The following GRIA2 variants were observed in gnomAD, a reference collection of about 807,000 sequenced individuals.
GRIA2 encodes the protein glutamate ionotropic receptor AMPA type subunit 2.
In GRIA2, 14 loss-of-function variants were observed where a neutral mutation model predicts 97.3. The observed-to-expected ratio is 0.14, with a 90% CI of 0.10 to 0.23. The LOEUF (loss-of-function observed/expected upper bound fraction) is 0.23. Ranked by LOEUF, GRIA2 falls within the 10% of genes least tolerant of loss-of-function variation. The pLI, the probability that GRIA2 is intolerant of heterozygous loss-of-function variation, is 1.00. For synonymous variants in GRIA2, 412 were observed against 387.8 expected, an observed-to-expected ratio of 1.06 and a Z score of -0.73; for missense variants, 558 against 1,069.8, an observed-to-expected ratio of 0.52 and a Z score of 6.67.
chr4:157,249,083 C>T (rs891634902), intron 2 of GRIA2, among the ~76,000 whole-genome samples: 8 of 152,048 alleles, frequency 5.3e-5, no homozygotes, highest in Non-Finnish European at 1.0e-4. Flanking sequence ...GATCCTCCTG[C>T]CTCAGCCTCC....
At chr4:157,264,216 A>G (rs1731669083) in intron 2 of GRIA2, among the ~76,000 whole-genome samples, 1 of 152,040 alleles carries the variant, frequency 6.6e-6, no homozygotes, top group Non-Finnish European at 1.5e-5. Flanking sequence ...AACAATACAA[A>G]TCTATTATTT....
At chr4:157,243,585 T>G (rs1205839797) in intron 2 of GRIA2, among the ~76,000 whole-genome samples, 2 of 152,134 alleles carry the variant, frequency 1.3e-5, no homozygotes, top group Non-Finnish European at 2.9e-5. Flanking sequence ...TGAAGGACAT[T>G]AAACTCCTTT....
intron 2 of GRIA2, among the ~76,000 whole-genome samples, chr4:157,225,987 T>A (rs996210347): frequency 1.2e-4 from 18 of 152,124 alleles, no homozygotes; most frequent in Admixed American, 6.5e-4. Flanking sequence ...AATAAAACTG[T>A]GTAAAAGGGC....
chr4:157,321,302 C>G, intron 5 of GRIA2, 136 bp from the exon 6 acceptor site: 1 of 631,832 alleles, frequency 1.6e-6, no homozygotes, highest in African/African-American at 1.9e-5. Flanking sequence ...ATACATGGGA[C>G]ATTTTCTGCA....
At chr4:157,223,906 CTG>C (rs1729627063) in intron 2 of GRIA2, among the ~76,000 whole-genome samples, 1 of 151,912 alleles carries the variant, frequency 6.6e-6, no homozygotes, top group Non-Finnish European at 1.5e-5. Flanking sequence ...AGATAAAAGA[CTG>C]TGATTAGGTT....
chr4:157,337,871 T>A (rs533667033), intron 11 of GRIA2, among the ~76,000 whole-genome samples: 1 of 150,970 alleles, frequency 6.6e-6, no homozygotes, highest in Non-Finnish European at 1.5e-5. Context: ...TAAAAAAAAA[T>A]TACATTTTTA....
intron 2 of GRIA2, among the ~76,000 whole-genome samples, chr4:157,238,746 C>A (rs1232805294): frequency 1.3e-5 from 2 of 152,008 alleles, no homozygotes; most frequent in Admixed American, 1.3e-4. Context: ...GGCCATGAAG[C>A]GTTTAGTTAA....
chr4:157,345,232 A>T (rs1343769788), intron 12 of GRIA2, among the ~76,000 whole-genome samples: 1 of 152,070 alleles, frequency 6.6e-6, no homozygotes, highest in East Asian at 1.9e-4. Context: ...TAAACGAAAC[A>T]TTCATGAAAT....
At chr4:157,228,100 C>T (rs1383057775) in intron 2 of GRIA2, among the ~76,000 whole-genome samples, 4 of 152,168 alleles carry the variant, frequency 2.6e-5, no homozygotes, top group Non-Finnish European at 4.4e-5. Flanking sequence ...AAAATGTGGG[C>T]TTGTTGAAGA....
intron 3 of GRIA2, among the ~76,000 whole-genome samples, chr4:157,304,863 G>T (rs1560756911): frequency 6.6e-6 from 1 of 152,094 alleles, no homozygotes; most frequent in African/African-American, 2.4e-5. Flanking sequence ...CTCGAGTCAG[G>T]AGTGCAGGAG....
chr4:157,258,365 C>T (rs980669261), intron 2 of GRIA2, among the ~76,000 whole-genome samples: 1 of 151,902 alleles, frequency 6.6e-6, no homozygotes, highest in African/African-American at 2.4e-5. Context: ...ACTCTGGGGA[C>T]GTCTGTCTTT....
intron 2 of GRIA2, among the ~76,000 whole-genome samples, chr4:157,281,223 G>A (rs962051357): frequency 4.6e-5 from 7 of 152,000 alleles, no homozygotes; most frequent in East Asian, 1.9e-4. Flanking sequence ...CATTGTATGC[G>A]CCAGAGTTAG....
At chr4:157,331,895 A>G (rs1239641204) in intron 6 of GRIA2, among the ~76,000 whole-genome samples, 1 of 152,062 alleles carries the variant, frequency 6.6e-6, no homozygotes, top group Non-Finnish European at 1.5e-5. Context: ...TGGATTGGTG[A>G]TCAAGAATTT....
In GRIA2 at chr4:157,332,978, C is replaced by T. The variant is rs1735124313; in HGVS notation, c.1042C>T (p.Leu348Phe). ...WGQGVEIERALKQVQVEGLSG... is the reference protein window; with the variant it reads ...WGQGVEIERAFKQVQVEGLSG... ...ACAAGGTGTAGAAATAGAAAGGGCC[C>T]TCAAACAGGTCAGTTACTCAAAATA... is the stretch of plus-strand genomic sequence containing the variant. The change falls in exon 7 of 16, where the codon CTC becomes TTC. Residue 348 changes from leucine to phenylalanine, a missense_variant. By Grantham distance (22) the Leu-to-Phe change is conservative (BLOSUM62 0). Around this residue, in one of 8 missense-constraint regions of GRIA2, gnomAD observed 66 missense variants for 118.7 expected, o/e 0.56. Transcript: ENST00000264426. 3.1e-6 allele frequency: 5 copies of T among 1,603,116 alleles called. No homozygotes were observed. Among genetic ancestry groups the T allele is most frequent in the Non-Finnish European group, 4.3e-6 (5 of 1,175,174 alleles).
chr4:157,266,248 T>C (rs987935481), intron 2 of GRIA2, among the ~76,000 whole-genome samples: 4 of 151,958 alleles, frequency 2.6e-5, no homozygotes, highest in African/African-American at 4.8e-5. Flanking sequence ...AAGATCTGGG[T>C]TGGAGATGGA....
At chr4:157,339,059 AT>A (rs1315818521) in intron 11 of GRIA2, among the ~76,000 whole-genome samples, 5 of 151,940 alleles carry the variant, frequency 3.3e-5, no homozygotes, top group Non-Finnish European at 5.9e-5. Context: ...TATTTATTAA[AT>A]TAAGTGATTT....
rs748322367 is a variant in GRIA2, at chr4:157,303,698, A to G, written c.376A>G (p.Ile126Val). 11 of 1,614,072 alleles carry G rather than the reference A, an allele frequency of 6.8e-6. No individual in the cohort carries two copies. In the Admixed American group the frequency reaches 1.0e-4, roughly 15 times the overall value. ...FPTDGTHPFV[I>V]QMRPDLKGAL... ...AACAGATGGCACACATCCATTTGTC[A>G]TTCAGATGAGACCCGACCTCAAAGG... is the stretch of plus-strand genomic sequence containing the variant. The change falls in exon 3 of 16, where the codon ATT becomes GTT. Residue 126 changes from isoleucine (I) to valine (V), a missense_variant. By Grantham distance (29) the Ile-to-Val change is conservative. Around this residue, in one of 8 missense-constraint regions of GRIA2, gnomAD observed 96 missense variants for 176.6 expected, o/e 0.54. Transcript: ENST00000264426.
intron 2 of GRIA2, among the ~76,000 whole-genome samples, chr4:157,274,705 T>A (rs1446981122): frequency 6.6e-6 from 1 of 151,746 alleles, no homozygotes; most frequent in African/African-American, 2.4e-5. Flanking sequence ...ACTCATCATT[T>A]TTTAAGGCTG....
At chr4:157,336,049 G>A (rs1409024428) in intron 10 of GRIA2, among the ~76,000 whole-genome samples, 172 bp downstream of exon 10, 2 of 152,026 alleles carry the variant, frequency 1.3e-5, no homozygotes, top group African/African-American at 2.4e-5. Context: ...GAAGCCAGAA[G>A]TAGACATGTA....
Sources: allele counts gnomAD v4.1 joint callset (sites outside exome capture counted in the v4.1 genomes callset), GRCh38; gene constraint gnomAD v4.1.1; regional missense constraint gnomAD v4.1.1; transcripts MANE v1.5; gene names NCBI Gene and HGNC (gene_info 2026-07-23, HGNC 2026-07-21).